MAP3K5: variants seen among roughly 807,000 people sequenced by gnomAD.
MAP3K5 encodes mitogen-activated protein kinase kinase kinase 5, also known as ASK-1.
A neutral mutation model predicts 158.7 loss-of-function variants in MAP3K5; 56 were observed. The observed-to-expected ratio is 0.35, with a 90% CI of 0.28 to 0.44. MAP3K5 has a LOEUF of 0.44. MAP3K5 is among the 20% of genes least tolerant of loss of function. MAP3K5 has a pLI of 1.00. For synonymous variants in MAP3K5, 579 were observed against 601.7 expected (o/e 0.96, Z 0.55); for missense variants, 1,294 against 1,674.8 (o/e 0.77, Z 3.97).
chr6:136,656,345 C>T lies in MAP3K5; in HGVS notation c.1642G>A (p.Glu548Lys), dbSNP rs1562584869. Residue 548 changes from glutamate (E) to lysine (K), a missense_variant, in exon 10 of 30, where the codon GAG becomes AAG. Transcript: ENST00000359015. ...LVDFWMDFLV[E>K]ATKTDVTVVR... ...ACAGTAACATCTGTCTTTGTGGCCT[C>T]GACCAGGAAATCCATCCAAAAGTCC... The T allele has an allele frequency of 2.5e-6, 4 of 1,614,010 alleles. No individual in the cohort carries two copies. Among genetic ancestry groups the T allele is most frequent in the South Asian group, 1.1e-5 (1 of 91,076 alleles).
intron 5 of MAP3K5, among the ~76,000 whole-genome samples, chr6:136,696,750 A>T (rs925907172): frequency 1.3e-5 from 2 of 152,234 alleles, no homozygotes; most frequent in Non-Finnish European, 2.9e-5. Flanking sequence ...ACATATTTTT[A>T]AAGTTATTTC....
intron 7 of MAP3K5, among the ~76,000 whole-genome samples, chr6:136,671,466 A>G (rs1043332601): frequency 6.6e-6 from 1 of 152,240 alleles, no homozygotes; most frequent in Non-Finnish European, 1.5e-5. Context: ...AGATTAAAAG[A>G]GCATGTAGGT....
chr6:136,577,137 G>A (rs1443234596), intron 25 of MAP3K5, among the ~76,000 whole-genome samples: 1 of 152,122 alleles, frequency 6.6e-6, no homozygotes, highest in Non-Finnish European at 1.5e-5. Flanking sequence ...CATGTCTTCT[G>A]AAATGGCAGG....
chr6:136,791,737 T>C lies in MAP3K5; in HGVS notation c.421A>G (p.Thr141Ala). The C allele has an allele frequency of 6.2e-7, 1 of 1,613,280 alleles. No homozygotes were observed. The change falls in exon 1 of 30, where the codon ACC becomes GCC. Residue 141 changes from threonine (T) to alanine (A), a missense_variant. By Grantham distance (58) the Thr-to-Ala change is moderately conservative. Around this residue, in one of 5 missense-constraint regions of MAP3K5, gnomAD observed 690 missense variants for 870.5 expected, o/e 0.79. Coordinates refer to ENST00000359015, the MANE Select transcript of MAP3K5 (RefSeq NM_005923.4). ...HFGKLDFGET[T>A]VLDRFYNADI... ...GCATTGTAAAAGCGGTCCAGCACGG[T>C]GGTTTCTCCAAAGTCGAGTTTCCCA...
At chr6:136,749,175 C>T (rs1012170964) in intron 1 of MAP3K5, among the ~76,000 whole-genome samples, 19 of 152,030 alleles carry the variant, frequency 1.2e-4, no homozygotes, top group African/African-American at 4.4e-4. Flanking sequence ...GAGTTCGAGA[C>T]CAGCCTGGCC....
At chr6:136,582,217 A>G (rs1774914208) in intron 24 of MAP3K5, among the ~76,000 whole-genome samples, 1 of 151,990 alleles carries the variant, frequency 6.6e-6, no homozygotes, top group Admixed American at 6.6e-5. Flanking sequence ...CATCCTGGAC[A>G]GTGAATGAGC....
rs9494539 is a variant in MAP3K5 at position 136,563,836 on chromosome 6, G to C, written c.3762-1221C>G. On this transcript the variant is annotated intron_variant, in intron 26 of 29. Transcript: ENST00000359015. ...GTTATTAAGATTATCAGGATAAATC[G>C]TTGCATAAACTACAGCTCTTAACAA... Among the ~76,000 whole-genome samples, 233 of 152,274 alleles carry C rather than the reference G, an allele frequency of 1.5e-3. 1 individual carries two copies. In the Middle Eastern group the frequency reaches 0.017, roughly 11 times the overall value.
At chr6:136,619,050 T>G (rs532616160) in intron 15 of MAP3K5, among the ~76,000 whole-genome samples, 1 of 152,300 alleles carries the variant, frequency 6.6e-6, no homozygotes, top group South Asian at 2.1e-4. Context: ...TCCTTTTCCT[T>G]CTGGACTGAC....
At chr6:136,595,341 G>A (rs929425541) in intron 21 of MAP3K5, among the ~76,000 whole-genome samples, 1 of 152,202 alleles carries the variant, frequency 6.6e-6, no homozygotes, top group Non-Finnish European at 1.5e-5. Flanking sequence ...CTGACATCAA[G>A]TAATCCACCT....
chr6:136,656,613 T>C (rs936525903), intron 9 of MAP3K5, among the ~76,000 whole-genome samples, 153 bp from the exon 10 acceptor site: 3 of 152,168 alleles, frequency 2.0e-5, no homozygotes, highest in Admixed American at 2.0e-4. Flanking sequence ...GCATATCGTG[T>C]GTTTTCACAC....
chr6:136,674,440 C>A (rs1382865228), intron 7 of MAP3K5, among the ~76,000 whole-genome samples: 1 of 151,774 alleles, frequency 6.6e-6, no homozygotes, highest in African/African-American at 2.4e-5. Flanking sequence ...CTAGGGAATA[C>A]TCAAAGAATA....
intron 14 of MAP3K5, among the ~76,000 whole-genome samples, chr6:136,627,699 G>A (rs1192471991): frequency 3.3e-5 from 5 of 152,218 alleles, no homozygotes; most frequent in Non-Finnish European, 5.9e-5. Flanking sequence ...TCTAGAGGAA[G>A]TAGGCCCTCA....
intron 1 of MAP3K5, among the ~76,000 whole-genome samples, chr6:136,760,624 A>G (rs1783707050): frequency 1.3e-5 from 2 of 152,210 alleles, no homozygotes; most frequent in Admixed American, 6.5e-5. Flanking sequence ...GGGCTTTGGG[A>G]AGTGATTAGG....
intron 2 of MAP3K5, among the ~76,000 whole-genome samples, chr6:136,710,759 G>A (rs1412674686): frequency 6.6e-6 from 1 of 152,184 alleles, no homozygotes; most frequent in Non-Finnish European, 1.5e-5. Context: ...AGAGAAAGGA[G>A]CAGGCTTGGA....
intron 2 of MAP3K5, among the ~76,000 whole-genome samples, chr6:136,707,632 A>G (rs1781137333): frequency 6.6e-6 from 1 of 152,224 alleles, no homozygotes; most frequent in South Asian, 2.1e-4. Flanking sequence ...ACAAAAAGTA[A>G]GATTAGAAAG....
chr6:136,687,103 C>T (rs964720531), intron 7 of MAP3K5, among the ~76,000 whole-genome samples: 2 of 152,096 alleles, frequency 1.3e-5, no homozygotes, highest in African/African-American at 4.8e-5. Flanking sequence ...ACAACAGAGG[C>T]CTCAGAAATA....
chr6:136,761,301 A>C (rs1051144273), intron 1 of MAP3K5, among the ~76,000 whole-genome samples: 7 of 151,328 alleles, frequency 4.6e-5, no homozygotes, highest in South Asian at 2.1e-4. Flanking sequence ...AAAAAAAAAA[A>C]AAAAAACGAA....
intron 2 of MAP3K5, among the ~76,000 whole-genome samples, chr6:136,707,110 G>A (rs2114715134): frequency 6.6e-6 from 1 of 152,244 alleles, no homozygotes; most frequent in Non-Finnish European, 1.5e-5. Flanking sequence ...AGCTATGACT[G>A]TGCCACTGCA....
chr6:136,592,461 T>C lies in MAP3K5; in HGVS notation c.3032A>G (p.Lys1011Arg), dbSNP rs1207752459. 1 of 1,613,922 alleles carries C rather than the reference T, an allele frequency of 6.2e-7. No individual in the cohort carries two copies. Among genetic ancestry groups the C allele is most frequent in the African/African-American group, 1.3e-5 (1 of 74,886 alleles). The change falls in exon 22 of 30, where the codon AAG becomes AGG. Residue 1011 changes from lysine to arginine, a missense_variant. Around this residue, in one of 5 missense-constraint regions of MAP3K5, gnomAD observed 362 missense variants for 463.2 expected, o/e 0.78. Transcript: ENST00000359015. ...CCCCAAAAAGAGTGTCCGAATTCCCTTGACATCTCTTTCTCCGCAGGACTT... is the reference window on the plus strand; with the variant it reads ...CCCCAAAAAGAGTGTCCGAATTCCCCTGACATCTCTTTCTCCGCAGGACTT... ...RAKSCGERDV[K>R]GIRTLFLGIP... is the part of the protein sequence containing the mutation.
Sources: gnomAD v4.1 joint callset for allele counts (sites outside exome capture counted in the v4.1 genomes callset) on GRCh38, gnomAD v4.1.1 for gene constraint, gnomAD v4.1.1 regional missense constraint, MANE v1.5 for transcripts, NCBI Gene and HGNC (gene_info 2026-07-23, HGNC 2026-07-21) for gene names.